KRR1: variants seen among roughly 807,000 people sequenced by gnomAD.
The protein encoded by KRR1 is KRR1 small subunit processome component homolog.
Under a neutral mutation model 50.0 loss-of-function variants are expected in KRR1, and 23 were observed. That is an observed-to-expected ratio of 0.46 (90% CI 0.33 to 0.65). The LOEUF is 0.65. KRR1 is among the 30% of genes least tolerant of loss of function. The pLI is 0.02. For missense variants in KRR1, 419 were observed against 442.4 expected, an observed-to-expected ratio of 0.95 and a Z score of 0.47; for synonymous variants, 133 against 146.3, an observed-to-expected ratio of 0.91 and a Z score of 0.66.
At chr12:75,508,245 A>G in intron 2 of KRR1, 29 bp downstream of exon 2, 1 of 1,530,694 alleles carries the variant, frequency 6.5e-7, no homozygotes, top group South Asian at 1.2e-5. Context: ...AAAGTCTCAA[A>G]TAAATGTATT....
At chr12:75,509,389 G>C (rs780581378) in intron 1 of KRR1, among the ~76,000 whole-genome samples, 11 of 151,934 alleles carry the variant, frequency 7.2e-5, no homozygotes, top group Non-Finnish European at 1.6e-4. Context: ...TCTTAAGCAC[G>C]GTAAAGTTTG....
rs769284389 is a variant in KRR1, at chr12:75,502,014, T to C, written c.832-14A>G. 2 of 1,596,604 alleles carry C rather than the reference T, an allele frequency of 1.3e-6. No homozygotes were observed. The highest frequency in any genetic ancestry group is 1.7e-6 in the Non-Finnish European group (2 of 1,166,230). The stretch of plus-strand genomic sequence containing the variant: ...TTCTTTATCGATCTGTTGAAAACGG[T>C]ATTTACAATTACATCAGAAATAATG... On this transcript the variant is annotated splice_polypyrimidine_tract_variant and intron_variant, in intron 7 of 9. Transcript: ENST00000229214.
intron 7 of KRR1, 94 bp downstream of exon 7, chr12:75,503,810 C>T (rs921224283): frequency 4.0e-5 from 42 of 1,050,124 alleles, no homozygotes; most frequent in Middle Eastern, 3.3e-4. Context: ...TATATATATA[C>T]ACATATCCCA....
chr12:75,508,472 T>G, intron 1 of KRR1, 26 bp from the exon 2 acceptor site: 1 of 1,557,402 alleles, frequency 6.4e-7, no homozygotes, highest in Non-Finnish European at 8.7e-7. Flanking sequence ...AATTTACACA[T>G]CACATTTTAA....
chr12:75,508,415 AC>A lies in KRR1; in HGVS notation c.116del (p.Gly39ValfsTer34). On this transcript the variant is annotated frameshift_variant, in exon 2 of 10. Transcript: ENST00000229214. LOFTEE classifies it high-confidence loss of function. ...CTTTGGAAAAAGCTGGTTCCTTCCA[AC>A]CATCAGGAACCGTAAGGAGTTCTGA... is the stretch of plus-strand genomic sequence containing the variant. The part of the protein sequence containing the change: ...DESELLTVPD[G>X]WKEPAFSKED... The A allele has an allele frequency of 6.2e-7, 1 of 1,609,644 alleles. No homozygotes were observed. The highest frequency in any genetic ancestry group is 8.5e-7 in the Non-Finnish European group (1 of 1,178,652).
rs370713345 is a variant in KRR1, at chr12:75,495,997, G to GTTTTTTTTTTTTTTTTTTTTTT, written c.*3811_*3812insAAAAAAAAAAAAAAAAAAAAAA. ...TCCAAACAAACAGAATTCTGTTTTC[G>GTTTTTTTTTTTTTTTTTTTTTT]TTTTTTTTTTTGTTTTTTTTTTTTG... On this transcript the variant is annotated 3_prime_UTR_variant, in exon 10 of 10. Transcript: ENST00000229214. 1.5e-5 allele frequency: 2 copies of GTTTTTTTTTTTTTTTTTTTTTT among 132,126 alleles called. No individual in the cohort carries two copies. Among genetic ancestry groups the GTTTTTTTTTTTTTTTTTTTTTT allele is most frequent in the Non-Finnish European group, 3.1e-5 (2 of 64,254 alleles). The allele number at this position is 132,126 out of a possible 1,614,324, so 8.2% of individuals were successfully genotyped here. A position where few individuals can be genotyped will look rare whatever the true frequency, so the allele number is the denominator to read the frequency against.
rs2046395510 is a variant in KRR1, at chr12:75,501,738, C to T, written c.988G>A (p.Val330Met). The change falls in exon 9 of 10, where the codon GTG (valine) becomes ATG (methionine). Residue 330 changes from valine (V) to methionine (M), a missense_variant. Coordinates refer to ENST00000229214, the MANE Select transcript of KRR1 (RefSeq NM_007043.7). Reference protein sequence around the residue: ...AFIPPKEKPIVKPKEASTETK... With the variant: ...AFIPPKEKPIMKPKEASTETK... Reference sequence around the variant, plus strand: ...AAAGCATTACCTTCCTTAGGTTTCACAATTGGTTTTTCCTTAGGTGGAATA... The same window carrying T: ...AAAGCATTACCTTCCTTAGGTTTCATAATTGGTTTTTCCTTAGGTGGAATA... 6.2e-7 allele frequency: 1 copy of T among 1,606,502 alleles called. No individual in the cohort carries two copies. Among genetic ancestry groups the T allele is most frequent in the Non-Finnish European group, 8.5e-7 (1 of 1,174,608 alleles).
chr12:75,507,568 G>A (rs906840812), intron 2 of KRR1, among the ~76,000 whole-genome samples: 6 of 151,860 alleles, frequency 4.0e-5, no homozygotes, highest in African/African-American at 1.2e-4. Flanking sequence ...AAAAAAATGA[G>A]CTCAATCCCA....
At position 75,494,176 on chromosome 12, in the gene KRR1, G is replaced by T. The variant is rs146069656; in HGVS notation, c.*5633C>A. 3 of 152,292 alleles carry T rather than the reference G, an allele frequency of 2.0e-5. No individual in the cohort carries two copies. The highest frequency in any genetic ancestry group is 7.2e-5 in the African/African-American group (3 of 41,568). 9.4% of individuals were successfully genotyped at this position (152,292 alleles called of 1,614,324 possible). On this transcript the variant is annotated 3_prime_UTR_variant, in exon 10 of 10. Coordinates refer to ENST00000229214, the MANE Select transcript of KRR1 (RefSeq NM_007043.7). ...ACATAGATTTGGGGTTGGAAATAAGGTATCGTTATAAAGTTGTGTGTCTAA... is the reference window on the plus strand; with the variant it reads ...ACATAGATTTGGGGTTGGAAATAAGTTATCGTTATAAAGTTGTGTGTCTAA...
chr12:75,510,187 A>G lies in KRR1; in HGVS notation c.85+1326T>C, dbSNP rs73358069. On this transcript the variant is annotated intron_variant, in intron 1 of 9. Transcript: ENST00000229214. ...TGTAAGGCAATGACAACTTTCGTCCACTCCTAGTGGGAACAAAACTGACAC... is the reference window on the plus strand; with the variant it reads ...TGTAAGGCAATGACAACTTTCGTCCGCTCCTAGTGGGAACAAAACTGACAC... 6.7e-3 allele frequency among the ~76,000 whole-genome samples: 1,019 copies of G among 152,210 alleles called. 11 individuals are homozygous for G. The highest frequency in any genetic ancestry group is 0.023 in the African/African-American group (938 of 41,506).
At chr12:75,510,293 A>G (rs928008741) in intron 1 of KRR1, among the ~76,000 whole-genome samples, 4 of 152,218 alleles carry the variant, frequency 2.6e-5, no homozygotes, top group African/African-American at 9.6e-5. Flanking sequence ...CAACCTAGAG[A>G]AACCCTTGAA....
Position 75,506,616 on chromosome 12 carries a change from CAAA to C in KRR1, c.394-10_394-8del, listed in dbSNP as rs35071517. The C allele has an allele frequency of 7.5e-3, 10,047 of 1,342,974 alleles. No homozygotes were observed. Among genetic ancestry groups the C allele is most frequent in the South Asian group, 0.018 (1,115 of 63,220 alleles). The allele number at this position is 1,342,974 out of a possible 1,614,324, so 83.2% of individuals were successfully genotyped here. A position where few individuals can be genotyped will look rare whatever the true frequency, so the allele number is the denominator to read the frequency against. ...CCTGAAGAATTCGTACTGCCTTTTG[CAAA>C]AAAAAAAAAAAAAAGAAGACATTAT... On this transcript the variant is annotated splice_polypyrimidine_tract_variant and splice_region_variant and intron_variant, in intron 3 of 9. Transcript: ENST00000229214.
Position 75,499,857 on chromosome 12 carries a change from A to G in KRR1, c.1098T>C (p.Ile366=), listed in dbSNP as rs1050368149. ...KKLGALTAEE[I]ALKMEADEKK... ...TTTCATCTGCCTCCATCTTAAGTGCAATTTCTTCAGCTGTAAGAGCTCCCA... is the reference window on the plus strand; with the variant it reads ...TTTCATCTGCCTCCATCTTAAGTGCGATTTCTTCAGCTGTAAGAGCTCCCA... Residue 366 remains isoleucine (I), a synonymous_variant, in exon 10 of 10, where the codon ATT becomes ATC. Coordinates refer to ENST00000229214, the MANE Select transcript of KRR1 (RefSeq NM_007043.7). 2.5e-6 allele frequency: 4 copies of G among 1,608,100 alleles called. No individual in the cohort carries two copies. The African/African-American group carries it at 5.4e-5, about 22-fold the overall frequency.
chr12:75,501,671 T>C (rs750532428), intron 9 of KRR1, 52 bp downstream of exon 9: 6 of 1,161,284 alleles, frequency 5.2e-6, no homozygotes, highest in African/African-American at 1.6e-5. Context: ...AAATTTATTA[T>C]GGGTTTACTT....
chr12:75,506,808 A>G lies in KRR1; in HGVS notation c.367T>C (p.Leu123=), dbSNP rs2070162. Residue 123 remains leucine, a synonymous_variant, in exon 3 of 10, where the codon TTA becomes CTA. Coordinates refer to ENST00000229214, the MANE Select transcript of KRR1 (RefSeq NM_007043.7). The stretch of plus-strand genomic sequence containing the variant: ...TGTTCAAATGAAACACTCCTTGCTA[A>G]CAGTTTTATCAGATCTCTGGCCCTA... ...IIRARDLIKL[L]ARSVSFEQAV... 0.25 allele frequency: 398,092 copies of G among 1,609,572 alleles called. 50,922 individuals are homozygous for G. Among genetic ancestry groups the G allele is most frequent in the Admixed American group, 0.33 (19,705 of 59,096 alleles).
At chr12:75,500,491 A>ATT in intron 9 of KRR1, 1 of 39,552 alleles carries the variant, frequency 2.5e-5, no homozygotes, top group East Asian at 2.1e-3. Flanking sequence ...ATATTCAATG[A>ATT]ATTAATTCAT....
Position 75,494,835 on chromosome 12 carries a change from G to C in KRR1, c.*4974C>G, listed in dbSNP as rs2046341250. The C allele has an allele frequency of 1.3e-5, 2 of 152,136 alleles. No homozygotes were observed. The highest frequency in any genetic ancestry group is 2.9e-5 in the Non-Finnish European group (2 of 68,042). The allele number at this position is 152,136 out of a possible 1,614,324, so 9.4% of individuals were successfully genotyped here. A position where few individuals can be genotyped will look rare whatever the true frequency, so the allele number is the denominator to read the frequency against. ...TTTCACTTTCTAGTCTGTGACCTTG[G>C]TCAATTACTTATACTCTGTGACTCA... On this transcript the variant is annotated 3_prime_UTR_variant, in exon 10 of 10. Transcript: ENST00000229214.
chr12:75,504,210 C>A, intron 6 of KRR1, 136 bp from the exon 7 acceptor site: 2 of 516,518 alleles, frequency 3.9e-6, no homozygotes, highest in Non-Finnish European at 6.5e-6. Context: ...AAACCAATTA[C>A]ATAAGCAAAA....
Position 75,498,784 on chromosome 12 carries a change from G to A in KRR1, c.*1025C>T. On this transcript the variant is annotated 3_prime_UTR_variant, in exon 10 of 10. Coordinates refer to ENST00000229214, the MANE Select transcript of KRR1 (RefSeq NM_007043.7). ...TGTGAATTCTGTCAGTGCATTATGA[G>A]GAACAATGTCTAAGAGGATATTCTA... 1 of 1,609,164 alleles carries A rather than the reference G, an allele frequency of 6.2e-7. No individual in the cohort carries two copies. The highest frequency in any genetic ancestry group is 1.1e-5 in the South Asian group (1 of 90,892).
Sources: allele counts gnomAD v4.1 joint callset (sites outside exome capture counted in the v4.1 genomes callset), GRCh38; gene constraint gnomAD v4.1.1; transcripts MANE v1.5; gene names NCBI Gene and HGNC (gene_info 2026-07-23, HGNC 2026-07-21).